ASPH: variants seen among roughly 807,000 people sequenced by gnomAD.
ASPH encodes aspartyl/asparaginyl beta-hydroxylase.
In ASPH, 100 loss-of-function variants were observed where a neutral mutation model predicts 118.4. The ratio of observed to expected loss-of-function variants is 0.84; its 90% CI spans 0.72 to 1.00. ASPH has a LOEUF of 1.00. Among genes scored for constraint, ASPH ranks in the 50% least tolerant of loss-of-function variants. ASPH has a pLI of 0.00. For synonymous variants in ASPH, 315 were observed against 325.6 expected (o/e 0.97, Z 0.35); for missense variants, 920 against 919.5 (o/e 1.00, Z -0.01).
At chr8:61,509,700 C>T (rs532411485) in intron 24 of ASPH, among the ~76,000 whole-genome samples, 2 of 152,232 alleles carry the variant, frequency 1.3e-5, no homozygotes, top group African/African-American at 4.8e-5. Context: ...GGTTCAAATG[C>T]CTCTGACAAT....
chr8:61,579,327 C>G, intron 15 of ASPH: 1 of 1,614,194 alleles, frequency 6.2e-7, no homozygotes, highest in Non-Finnish European at 8.5e-7. Context: ...CATGGCACGG[C>G]AGCTGCGTGA....
At chr8:61,668,573 T>C (rs1163344831) in intron 3 of ASPH, among the ~76,000 whole-genome samples, 8 of 152,204 alleles carry the variant, frequency 5.3e-5, no homozygotes, top group Non-Finnish European at 1.0e-4. Context: ...GGAAATTGCA[T>C]TTTCTACTCA....
intron 3 of ASPH, among the ~76,000 whole-genome samples, chr8:61,673,813 ATCTC>A (rs938257393): frequency 1.3e-4 from 19 of 151,880 alleles, no homozygotes; most frequent in Admixed American, 6.6e-5. Context: ...CCTTTATTTT[ATCTC>A]TCTCACACAC....
chr8:61,608,771 T>C (rs1370523326), intron 14 of ASPH, among the ~76,000 whole-genome samples: 1 of 152,138 alleles, frequency 6.6e-6, no homozygotes, highest in Non-Finnish European at 1.5e-5. Context: ...GAAATCAGAA[T>C]AGTTGAGGGT....
At chr8:61,651,501 G>A (rs1168957167) in intron 4 of ASPH, 6 of 180,938 alleles carry the variant, frequency 3.3e-5, no homozygotes, top group Non-Finnish European at 6.9e-5. Context: ...GGAAATAGTT[G>A]GAAATAAAGA....
intron 14 of ASPH, among the ~76,000 whole-genome samples, chr8:61,591,902 G>C (rs1193488835): frequency 6.6e-6 from 1 of 152,212 alleles, no homozygotes; most frequent in African/African-American, 2.4e-5. Context: ...ATTAGTATAA[G>C]TATTATTTGT....
chr8:61,579,383 C>A, intron 15 of ASPH: 1 of 1,614,054 alleles, frequency 6.2e-7, no homozygotes, highest in South Asian at 1.1e-5. Context: ...ACATCGAGAT[C>A]GCCACCTACA....
At chr8:61,549,290 T>C (rs1825018919) in intron 20 of ASPH, among the ~76,000 whole-genome samples, 1 of 152,102 alleles carries the variant, frequency 6.6e-6, no homozygotes, top group Non-Finnish European at 1.5e-5. Context: ...CACTTTACAT[T>C]GACTACTTTC....
chr8:61,644,693 C>T (rs987193818), intron 6 of ASPH, 61 bp from the exon 7 acceptor site: 72 of 1,222,510 alleles, frequency 5.9e-5, no homozygotes, highest in Admixed American at 4.3e-4. Context: ...GTATATATCC[C>T]GTATATGTAC....
intron 13 of ASPH, among the ~76,000 whole-genome samples, chr8:61,629,034 T>TA (rs1294570384): frequency 1.3e-5 from 2 of 152,138 alleles, no homozygotes; most frequent in African/African-American, 4.8e-5. Context: ...TGATCAATGT[T>TA]AAAAAATGCT....
chr8:61,664,289 T>C, intron 3 of ASPH: 1 of 968,636 alleles, frequency 1.0e-6, no homozygotes, highest in Non-Finnish European at 1.2e-6. Flanking sequence ...AATGACACAA[T>C]CAAATATGAA....
At chr8:61,551,245 C>A (rs1443479020) in intron 20 of ASPH, among the ~76,000 whole-genome samples, 1 of 152,216 alleles carries the variant, frequency 6.6e-6, no homozygotes, top group Non-Finnish European at 1.5e-5. Context: ...TCCTCACAAC[C>A]CATTTTCTTG....
At chr8:61,686,957 T>C (rs1480806141) in intron 1 of ASPH, among the ~76,000 whole-genome samples, 1 of 152,090 alleles carries the variant, frequency 6.6e-6, no homozygotes, top group Non-Finnish European at 1.5e-5. Context: ...TTTTACCCAA[T>C]AATTAAGTTT....
chr8:61,511,428 A>G (rs1808779434), intron 24 of ASPH, among the ~76,000 whole-genome samples: 1 of 152,188 alleles, frequency 6.6e-6, no homozygotes, highest in African/African-American at 2.4e-5. Flanking sequence ...CTCTTAGCAC[A>G]GTTCCAGCAC....
chr8:61,514,761 T>G (rs1810244770), intron 24 of ASPH, among the ~76,000 whole-genome samples: 1 of 152,068 alleles, frequency 6.6e-6, no homozygotes, highest in Non-Finnish European at 1.5e-5. Context: ...AGACAGGGTC[T>G]TACTGTGTTG....
intron 1 of ASPH, among the ~76,000 whole-genome samples, chr8:61,698,036 A>G (rs1452957935): frequency 1.3e-5 from 2 of 152,142 alleles, no homozygotes; most frequent in African/African-American, 2.4e-5. Flanking sequence ...TCCTGGCTTC[A>G]AGCAGTCCTC....
intron 1 of ASPH, among the ~76,000 whole-genome samples, chr8:61,706,843 A>T (rs934466796): frequency 2.6e-5 from 4 of 152,180 alleles, no homozygotes; most frequent in South Asian, 4.1e-4. Flanking sequence ...ATTCATACAC[A>T]AGAGGTGATG....
At chr8:61,703,992 G>A (rs1009388486) in intron 1 of ASPH, among the ~76,000 whole-genome samples, 65 of 151,628 alleles carry the variant, frequency 4.3e-4, no homozygotes, top group Admixed American at 3.1e-3. Context: ...TCAGGAGATC[G>A]AGACCATCCC....
chr8:61,601,486 G>A (rs1484300227), intron 14 of ASPH, among the ~76,000 whole-genome samples: 1 of 150,318 alleles, frequency 6.7e-6, no homozygotes, highest in African/African-American at 2.5e-5. Context: ...GTTGCAGTGA[G>A]CCAAGATTGC....
Sources: gnomAD v4.1 joint callset for allele counts (sites outside exome capture counted in the v4.1 genomes callset) on GRCh38, gnomAD v4.1.1 for gene constraint, MANE v1.5 for transcripts, NCBI Gene and HGNC (gene_info 2026-07-23, HGNC 2026-07-21) for gene names.